FOXJ2: variants seen among roughly 807,000 people sequenced by gnomAD.
FOXJ2 encodes forkhead box protein J2.
Under a neutral mutation model 68.4 loss-of-function variants are expected in FOXJ2, and 18 were observed. The ratio of observed to expected loss-of-function variants is 0.26; its 90% CI spans 0.18 to 0.39. The LOEUF (loss-of-function observed/expected upper bound fraction) is 0.39, where lower values mean the gene tolerates loss of function less well. FOXJ2 is among the 10% of genes least tolerant of loss of function. The pLI is 1.00. For synonymous variants in FOXJ2, 274 were observed against 263.2 expected, an observed-to-expected ratio of 1.04 and a Z score of -0.40; for missense variants, 670 against 726.5, an observed-to-expected ratio of 0.92 and a Z score of 0.89.
At chr12:8,042,419 A>G (rs984450954) in intron 2 of FOXJ2, among the ~76,000 whole-genome samples, 4 of 152,242 alleles carry the variant, frequency 2.6e-5, no homozygotes, top group African/African-American at 9.6e-5. Flanking sequence ...CAGAAGCATT[A>G]GTAATCAAAT....
Position 8,043,770 on chromosome 12 carries a change from G to GT in FOXJ2, c.477+2dup. 1 of 1,614,190 alleles carries GT rather than the reference G, an allele frequency of 6.2e-7. No homozygotes were observed. Among genetic ancestry groups the GT allele is most frequent in the Non-Finnish European group, 8.5e-7 (1 of 1,180,022 alleles). ...GAGAAGACACCCTCCAGATGATGAT[G>GT]TAAGTTCCCAGCTCATGAGGAGATG... is the stretch of plus-strand genomic sequence containing the variant. On this transcript the variant is annotated splice_donor_variant, in intron 4 of 10. Coordinates refer to ENST00000162391, the MANE Select transcript of FOXJ2 (RefSeq NM_018416.3). LOFTEE classifies it high-confidence loss of function.
In FOXJ2 at chr12:8,052,756, T is replaced by A; in HGVS notation, c.1637-6T>A. 3 of 1,605,588 alleles carry A rather than the reference T, an allele frequency of 1.9e-6. No homozygotes were observed. Among genetic ancestry groups the A allele is most frequent in the Non-Finnish European group, 2.6e-6 (3 of 1,175,426 alleles). ...TCCTTTTACTCTCTTTCTTTCTTTC[T>A]AACAGCACACCATATGGTCCCTCGG... On this transcript the variant is annotated splice_polypyrimidine_tract_variant and splice_region_variant and intron_variant, in intron 10 of 10. Coordinates refer to ENST00000162391, the MANE Select transcript of FOXJ2 (RefSeq NM_018416.3).
Position 8,043,702 on chromosome 12 carries a change from G to A in FOXJ2, c.410G>A (p.Gly137Asp). Reference sequence around the variant, plus strand: ...TGTGGGAATGGGATCTCCTTCCAGGGTTCCTATTGGACAATTGACACCTGC... The same window carrying A: ...TGTGGGAATGGGATCTCCTTCCAGGATTCCTATTGGACAATTGACACCTGC... ...VPRPRDDPGK[G>D]SYWTIDTCPD... The change falls in exon 4 of 11, where the codon GGT becomes GAT. Residue 137 changes from glycine (G) to aspartate (D), a missense_variant and splice_region_variant. Physicochemically the swap from Gly to Asp is moderately conservative, Grantham distance 94. Transcript: ENST00000162391. 6.2e-7 allele frequency: 1 copy of A among 1,614,156 alleles called. No individual in the cohort carries two copies. The highest frequency in any genetic ancestry group is 8.5e-7 in the Non-Finnish European group (1 of 1,180,020).
Position 8,034,148 on chromosome 12 carries a change from G to GT in FOXJ2, c.-15+316dup, listed in dbSNP as rs768737265. ...TGCATTTTGAGAACATGCATACTGT[G>GT]TAGCAGTGATTTACACAACCCAACC... On this transcript the variant is annotated intron_variant, in intron 1 of 10. Transcript: ENST00000162391. Among the ~76,000 whole-genome samples, 24 of 152,286 alleles carry GT rather than the reference G, an allele frequency of 1.6e-4. No homozygotes were observed. In the South Asian group the frequency reaches 2.1e-3, roughly 13 times the overall value.
rs12315554 is a variant in FOXJ2 at position 8,035,084 on chromosome 12, C to T, written c.-15+1251C>T. On this transcript the variant is annotated intron_variant, in intron 1 of 10. Transcript: ENST00000162391. This position sits in a 1 kb window ranked among gnomAD's most constrained non-coding sequence, Gnocchi z 4.0. ...TAAATTCCTGAGTACAGTCATTTGT[C>T]CTGGAAGCTACTGGTGGTATATGAG... Among the ~76,000 whole-genome samples the T allele has an allele frequency of 0.03, 4,585 of 152,242 alleles. 180 individuals carry two copies. Among genetic ancestry groups the T allele is most frequent in the East Asian group, 0.12 (641 of 5,174 alleles).
chr12:8,039,078 G>A (rs997116046), intron 1 of FOXJ2, among the ~76,000 whole-genome samples: 1 of 152,152 alleles, frequency 6.6e-6, no homozygotes, highest in South Asian at 2.1e-4. Context: ...AAAAGTGTGA[G>A]GGCAGCTGTG....
chr12:8,051,884 C>T (rs1232763604), intron 10 of FOXJ2, among the ~76,000 whole-genome samples: 1 of 152,096 alleles, frequency 6.6e-6, no homozygotes, highest in Non-Finnish European at 1.5e-5. Flanking sequence ...TTGTTTGAGT[C>T]AGAGTCTTTT....
In FOXJ2 at chr12:8,032,992, C is replaced by CAG. The variant is rs1389092178; in HGVS notation, c.-856_-855insAG. The CAG allele has an allele frequency of 6.8e-5, 27 of 396,516 alleles. No homozygotes were observed. Among genetic ancestry groups the CAG allele is most frequent in the African/African-American group, 5.1e-4 (25 of 48,586 alleles). The allele number at this position is 396,516 out of a possible 1,614,324, so 24.6% of individuals were successfully genotyped here. A position where few individuals can be genotyped will look rare whatever the true frequency, so the allele number is the denominator to read the frequency against. On this transcript the variant is annotated 5_prime_UTR_variant, in exon 1 of 11. Transcript: ENST00000162391. This position sits in a 1 kb window ranked among gnomAD's most constrained non-coding sequence, Gnocchi z 4.8. ...CGAAAGCCCCACCCTCTGGGGCACC[C>CAG]CGGGAGCGGAGGCGGGAGCGGGGAC...
At chr12:8,041,942 A>G (rs1421472964) in intron 2 of FOXJ2, among the ~76,000 whole-genome samples, 1 of 150,140 alleles carries the variant, frequency 6.7e-6, no homozygotes, top group Admixed American at 6.6e-5. Context: ...CAGTGGCATG[A>G]TCTGGGCTCA....
In FOXJ2 at chr12:8,032,837, C is replaced by A; in HGVS notation, c.-1011C>A. On this transcript the variant is annotated 5_prime_UTR_variant, in exon 1 of 11. Coordinates refer to ENST00000162391, the MANE Select transcript of FOXJ2 (RefSeq NM_018416.3). This position sits in a 1 kb window ranked among gnomAD's most constrained non-coding sequence, Gnocchi z 4.8. Reference sequence around the variant, plus strand: ...CGGTGGCAGCGCGGGGAGCCCCACGCGCCGAAGGGAGCGGACCCGACAGGA... The same window carrying A: ...CGGTGGCAGCGCGGGGAGCCCCACGAGCCGAAGGGAGCGGACCCGACAGGA... The A allele has an allele frequency of 2.5e-6, 1 of 398,214 alleles. No individual in the cohort carries two copies. The highest frequency in any genetic ancestry group is 4.4e-6 in the Non-Finnish European group (1 of 225,828). The allele number at this position is 398,214 out of a possible 1,614,324, so 24.7% of individuals were successfully genotyped here. A position where few individuals can be genotyped will look rare whatever the true frequency, so the allele number is the denominator to read the frequency against.
At chr12:8,050,429 A>T in intron 9 of FOXJ2, 93 bp from the exon 10 acceptor site, 2 of 1,500,902 alleles carry the variant, frequency 1.3e-6, no homozygotes, top group South Asian at 2.7e-5. Context: ...GAGAAGGAGG[A>T]TGGGAGCAAG....
In FOXJ2 at chr12:8,049,497, G is replaced by A. The variant is rs769288818; in HGVS notation, c.1463G>A (p.Arg488His). The change falls in exon 9 of 11, where the codon CGC (arginine) becomes CAC (histidine). Residue 488 changes from arginine (R) to histidine (H), a missense_variant. Physicochemically the swap from Arg to His is conservative, Grantham distance 29 (BLOSUM62 0). This residue lies in a region of FOXJ2 where 555 missense variants were observed against 562.2 expected (regional missense o/e 0.99). Transcript: ENST00000162391. ...GHVPPQGGTH[R>H]PPAPARIADS... ...GTGCCCCCTCAAGGGGGTACCCACC[G>A]CCCACCAGCCCCTGCCCGTATTGCT... 21 of 1,613,806 alleles carry A rather than the reference G, an allele frequency of 1.3e-5. No homozygotes were observed. The highest frequency in any genetic ancestry group is 5.3e-5 in the African/African-American group (4 of 74,928).
At chr12:8,039,720 T>C in intron 1 of FOXJ2, 99 bp from the exon 2 acceptor site, 4 of 1,037,812 alleles carry the variant, frequency 3.9e-6, no homozygotes, top group Non-Finnish European at 5.6e-6. Flanking sequence ...GGGTGTCTTA[T>C]GGGAATGAGA....
At chr12:8,041,076 T>C (rs1261309167) in intron 2 of FOXJ2, among the ~76,000 whole-genome samples, 1 of 152,220 alleles carries the variant, frequency 6.6e-6, no homozygotes, top group African/African-American at 2.4e-5. Flanking sequence ...AGTAGCTCAT[T>C]TGTCAATTGT....
chr12:8,038,875 C>T lies in FOXJ2; in HGVS notation c.-14-944C>T, dbSNP rs745730040. 3.9e-5 allele frequency among the ~76,000 whole-genome samples: 6 copies of T among 152,214 alleles called. No homozygotes were observed. Among genetic ancestry groups the T allele is most frequent in the African/African-American group, 7.2e-5 (3 of 41,540 alleles). On this transcript the variant is annotated intron_variant, in intron 1 of 10. Transcript: ENST00000162391. The surrounding 1 kb of genome is among the most constrained non-coding windows in gnomAD (Gnocchi z 5.3). ...GGGAAGGAAGGAGGGAGGAGGAGGGCGGAGAAGGGGAGCCAGCTCCGAGCT... is the reference window on the plus strand; with the variant it reads ...GGGAAGGAAGGAGGGAGGAGGAGGGTGGAGAAGGGGAGCCAGCTCCGAGCT...
At chr12:8,050,990 TCCCTTCCCTTTCCTTC>T (rs1947116131) in intron 10 of FOXJ2, among the ~76,000 whole-genome samples, 1 of 101,898 alleles carries the variant, frequency 9.8e-6, no homozygotes, top group Non-Finnish European at 2.0e-5. Context: ...CCCTTCCCCT[TCCCTTCCCTTTCCTTC>T]CCCTTCCCTT....
intron 10 of FOXJ2, among the ~76,000 whole-genome samples, chr12:8,051,986 A>T (rs753197488): frequency 8.6e-5 from 13 of 151,638 alleles, no homozygotes; most frequent in Non-Finnish European, 1.6e-4. Flanking sequence ...CTCGAGCCTC[A>T]GCCTCCCGAG....
chr12:8,050,879 C>T (rs1179726082), intron 10 of FOXJ2, among the ~76,000 whole-genome samples: 2 of 110,930 alleles, frequency 1.8e-5, no homozygotes, highest in African/African-American at 3.3e-5. Context: ...CTTCCCTTCC[C>T]CTTCCCTTCC....
chr12:8,046,912 G>A (rs147087822), intron 6 of FOXJ2, among the ~76,000 whole-genome samples: 4 of 152,112 alleles, frequency 2.6e-5, no homozygotes, highest in African/African-American at 7.2e-5. Context: ...AAATGAATCC[G>A]ACTCAGGTGG....
Sources: gnomAD v4.1 joint callset for allele counts (sites outside exome capture counted in the v4.1 genomes callset) on GRCh38, gnomAD v4.1.1 for gene constraint, gnomAD v4.1.1 regional missense constraint, Gnocchi (gnomAD v3.1) non-coding constraint, MANE v1.5 for transcripts, NCBI Gene and HGNC (gene_info 2026-07-23, HGNC 2026-07-21) for gene names.